The following NTN1 variants were observed in gnomAD, a reference collection of about 807,000 sequenced individuals.
NTN1 encodes the protein netrin-1.
In NTN1, 11 loss-of-function variants were observed where a neutral mutation model predicts 54.2. The ratio of observed to expected loss-of-function variants is 0.20; its 90% confidence interval spans 0.13 to 0.34. The LOEUF is 0.34. Ranked by LOEUF, NTN1 falls within the 10% of genes least tolerant of loss-of-function variation. NTN1 has a pLI of 1.00. For synonymous variants in NTN1, 371 were observed against 382.0 expected (o/e 0.97, Z 0.33); for missense variants, 740 against 893.1 (o/e 0.83, Z 2.18).
rs1020387349 is a variant in NTN1 at position 9,219,366 on chromosome 17, C to T, written c.1412-1802C>T. Among the ~76,000 whole-genome samples, 1 of 152,166 alleles carries T rather than the reference C, an allele frequency of 6.6e-6. No homozygotes were observed. The highest frequency in any genetic ancestry group is 1.5e-5 in the Non-Finnish European group (1 of 68,032). ...ATGGCAGGAGGGATGGGGACTGTGG[C>T]CACCAGTGCCATGGAGCAGGGGTGT... is the stretch of plus-strand genomic sequence containing the variant. On this transcript the variant is annotated intron_variant, in intron 5 of 6. Coordinates refer to ENST00000173229, the MANE Select transcript of NTN1 (RefSeq NM_004822.3). This position sits in a 1 kb window ranked among gnomAD's most constrained non-coding sequence, Gnocchi z 4.5.
At chr17:9,238,700 A>G (rs1009443004) in intron 6 of NTN1, among the ~76,000 whole-genome samples, 5 of 152,224 alleles carry the variant, frequency 3.3e-5, no homozygotes, top group African/African-American at 1.2e-4. Flanking sequence ...TTAACCTAGT[A>G]TTTCACAAAC....
upstream of NTN1, among the ~76,000 whole-genome samples, chr17:9,018,819 G>A (rs1015126896): frequency 5.9e-5 from 9 of 152,112 alleles, no homozygotes; most frequent in African/African-American, 2.2e-4. Context: ...GATGCCATCA[G>A]CTTACATTCA....
Position 9,203,544 on chromosome 17 carries a change from A to G in NTN1, c.1412-17624A>G, listed in dbSNP as rs531716110. Among the ~76,000 whole-genome samples the G allele has an allele frequency of 4.4e-4, 67 of 152,096 alleles. No homozygotes were observed. In the South Asian group the frequency reaches 4.6e-3, roughly 10 times the overall value. ...TTGGGCGCGGTGGCTAACCCCTGTA[A>G]TCCCAGCACTTTGGGAGGCTGGGGC... On this transcript the variant is annotated intron_variant, in intron 5 of 6. Transcript: ENST00000173229.
At chr17:9,094,988 C>CAAAAAA (rs71135941) in intron 2 of NTN1, among the ~76,000 whole-genome samples, 22 of 99,844 alleles carry the variant, frequency 2.2e-4, no homozygotes, top group African/African-American at 2.6e-4. Flanking sequence ...GACTCCGTCT[C>CAAAAAA]AAAAAAAAAA....
intron 6 of NTN1, among the ~76,000 whole-genome samples, chr17:9,237,629 C>T (rs1038033037): frequency 6.6e-5 from 10 of 152,324 alleles, no homozygotes; most frequent in Non-Finnish European, 1.2e-4. Context: ...GGGGACACCA[C>T]AGCTGTACAA....
At chr17:9,171,739 G>C (rs1229872730) in intron 3 of NTN1, 4 of 152,284 alleles carry the variant, frequency 2.6e-5, no homozygotes, top group African/African-American at 9.7e-5. Flanking sequence ...GAAAGGGCTT[G>C]GTGGGCCCTT....
chr17:9,098,934 C>T (rs1037541169), intron 2 of NTN1, among the ~76,000 whole-genome samples: 34 of 152,150 alleles, frequency 2.2e-4, no homozygotes, highest in African/African-American at 7.7e-4. Flanking sequence ...CTAGGGAACA[C>T]ACTGGTAACA....
intron 2 of NTN1, among the ~76,000 whole-genome samples, chr17:9,034,433 T>C (rs897045098): frequency 1.9e-4 from 2 of 10,350 alleles, no homozygotes; most frequent in Non-Finnish European, 3.0e-4. Context: ...TTCTTTTTCT[T>C]TTTTTTTAAG....
rs1406031857 is a variant in NTN1, at chr17:9,188,428, C to CAAA, written c.1411+5472_1411+5474dup. Among the ~76,000 whole-genome samples the CAAA allele has an allele frequency of 2.3e-4, 7 of 29,808 alleles. 1 individual carries two copies. Among genetic ancestry groups the CAAA allele is most frequent in the African/African-American group, 6.6e-4 (5 of 7,574 alleles). 19.6% of individuals were successfully genotyped at this position (29,808 alleles called of 152,430 possible). ...GGGCAATAAGAGTAAAACTCCATCT[C>CAAA]AAAAAAAAAAAAAAAGAGTGCTAAA... On this transcript the variant is annotated intron_variant, in intron 5 of 6. Transcript: ENST00000173229.
the NTN1 span, among the ~76,000 whole-genome samples, chr17:9,003,204 G>A: frequency 6.6e-6 from 1 of 152,034 alleles, no homozygotes; most frequent in African/African-American, 2.4e-5. The surrounding 1 kb of genome is among the most constrained non-coding windows in gnomAD (Gnocchi z 7.4). Context: ...CGGCTGCCCC[G>A]CGCTCGGGAA....
Position 9,217,045 on chromosome 17 carries a change from CAA to C in NTN1, c.1412-4110_1412-4109del, listed in dbSNP as rs201848057. On this transcript the variant is annotated intron_variant, in intron 5 of 6. Coordinates refer to ENST00000173229, the MANE Select transcript of NTN1 (RefSeq NM_004822.3). The stretch of plus-strand genomic sequence containing the variant: ...TGACAGACAGGGCATGACTCCGTCT[CAA>C]AAAAAAAAAAAAGAAATATAAGGTG... Among the ~76,000 whole-genome samples, 824 of 133,124 alleles carry C rather than the reference CAA, an allele frequency of 6.2e-3. 5 individuals carry two copies. The highest frequency in any genetic ancestry group is 0.022 in the African/African-American group (785 of 35,522). 87.3% of individuals were successfully genotyped at this position (133,124 alleles called of 152,430 possible).
At chr17:9,071,868 A>G (rs909291443) in intron 2 of NTN1, among the ~76,000 whole-genome samples, 1 of 152,234 alleles carries the variant, frequency 6.6e-6, no homozygotes, top group Non-Finnish European at 1.5e-5. Context: ...AGCTTGCAGT[A>G]TGAATGGAGG....
At chr17:9,048,220 G>A (rs1279133822) in intron 2 of NTN1, among the ~76,000 whole-genome samples, 2 of 152,188 alleles carry the variant, frequency 1.3e-5, no homozygotes, top group Admixed American at 6.5e-5. Context: ...GTGTTAGCAG[G>A]CATGAAAACA....
At chr17:9,216,865 AC>A (rs1260546464) in intron 5 of NTN1, among the ~76,000 whole-genome samples, 2 of 152,154 alleles carry the variant, frequency 1.3e-5, no homozygotes, top group African/African-American at 2.4e-5. Flanking sequence ...ACTTGGTGAA[AC>A]CCTGTCTCCA....
intron 2 of NTN1, among the ~76,000 whole-genome samples, chr17:9,030,744 A>G (rs140437896): frequency 0.011 from 1,655 of 152,276 alleles, 24 homozygotes; most frequent in African/African-American, 0.038. Context: ...GACTCAGAAA[A>G]AAAAGAAAAG....
Position 9,239,445 on chromosome 17 carries a change from G to A in NTN1, c.1487-195G>A, listed in dbSNP as rs1475501889. 6.6e-6 allele frequency among the ~76,000 whole-genome samples: 1 copy of A among 152,182 alleles called. No homozygotes were observed. Among genetic ancestry groups the A allele is most frequent in the Non-Finnish European group, 1.5e-5 (1 of 68,042 alleles). The stretch of plus-strand genomic sequence containing the variant: ...GGGTGGCACCCTCACAGCGTGGGAG[G>A]CAAGGCTTCTTGGCCCTGTTGTTAG... On this transcript the variant is annotated intron_variant, in intron 6 of 6. Transcript: ENST00000173229. This position sits in a 1 kb window ranked among gnomAD's most constrained non-coding sequence, Gnocchi z 5.2.
At chr17:9,169,908 G>C (rs780551913) in intron 3 of NTN1, among the ~76,000 whole-genome samples, 1 of 152,172 alleles carries the variant, frequency 6.6e-6, no homozygotes, top group South Asian at 2.1e-4. Flanking sequence ...GATCTCCAGG[G>C]GTTCCTGTGC....
the NTN1 span, among the ~76,000 whole-genome samples, chr17:9,016,486 T>G: frequency 6.6e-6 from 1 of 152,214 alleles, no homozygotes; most frequent in African/African-American, 2.4e-5. Flanking sequence ...CCTTTAGCTA[T>G]CCAACAGAAT....
intron 2 of NTN1, among the ~76,000 whole-genome samples, chr17:9,027,247 T>C (rs2091874273): frequency 6.6e-6 from 1 of 152,244 alleles, no homozygotes; most frequent in African/African-American, 2.4e-5. Flanking sequence ...ATAATAATTA[T>C]TATGATTATT....
Sources: gnomAD v4.1 joint callset for allele counts (sites outside exome capture counted in the v4.1 genomes callset) on GRCh38, gnomAD v4.1.1 for gene constraint, Gnocchi (gnomAD v3.1) non-coding constraint, MANE v1.5 for transcripts, NCBI Gene and HGNC (gene_info 2026-07-23, HGNC 2026-07-21) for gene names.